The following KCTD16 variants were observed in gnomAD, a reference collection of about 807,000 sequenced individuals.
KCTD16 encodes the protein potassium channel tetramerization domain containing 16.
A neutral mutation model predicts 33.2 loss-of-function variants in KCTD16; 13 were observed. The observed-to-expected ratio is 0.39, with a 90% confidence interval of 0.25 to 0.62. The LOEUF (loss-of-function observed/expected upper bound fraction) is 0.62. Among genes scored for constraint, KCTD16 ranks in the 20% least tolerant of loss-of-function variants. The probability of loss-of-function intolerance (pLI) is 0.50; values close to 1 mark genes in which losing one functional copy is unlikely to be tolerated. For synonymous variants in KCTD16, 197 were observed against 195.3 expected (o/e 1.01, Z -0.07); for missense variants, 441 against 525.1 (o/e 0.84, Z 1.57).
chr5:144,298,403 C>T (rs900365647), intron 3 of KCTD16, among the ~76,000 whole-genome samples: 1 of 152,300 alleles, frequency 6.6e-6, no homozygotes, highest in East Asian at 1.9e-4. Flanking sequence ...GAGAATTGTT[C>T]ATAGCAGCTA....
At chr5:144,329,600 G>A (rs1230148906) in intron 3 of KCTD16, among the ~76,000 whole-genome samples, 1 of 152,032 alleles carries the variant, frequency 6.6e-6, no homozygotes, top group South Asian at 2.1e-4. Flanking sequence ...TACCAAAACA[G>A]CAACAGATTT....
chr5:144,342,139 G>C (rs200565088), intron 3 of KCTD16, among the ~76,000 whole-genome samples: 1 of 151,982 alleles, frequency 6.6e-6, no homozygotes, highest in Non-Finnish European at 1.5e-5. Flanking sequence ...GATGGGGATG[G>C]CATTGAATCT....
Position 144,482,079 on chromosome 5 carries a change from T to C in KCTD16, c.*7965T>C, listed in dbSNP as rs187947011. ...GAGCCAGATTTTCCTCTGAGTTTATTAGACTCTAAAGGCTGCTGGCTTAAC... is the reference window on the plus strand; with the variant it reads ...GAGCCAGATTTTCCTCTGAGTTTATCAGACTCTAAAGGCTGCTGGCTTAAC... On this transcript the variant is annotated 3_prime_UTR_variant, in exon 4 of 4. Coordinates refer to ENST00000512467, the MANE Select transcript of KCTD16 (RefSeq NM_020768.4). 6.3e-4 allele frequency: 96 copies of C among 152,070 alleles called. 1 individual carries two copies. Among genetic ancestry groups the C allele is most frequent in the African/African-American group, 2.3e-3 (94 of 41,538 alleles). The allele number at this position is 152,070 out of a possible 1,614,324, so 9.4% of individuals were successfully genotyped here. A position where few individuals can be genotyped will look rare whatever the true frequency, so the allele number is the denominator to read the frequency against.
intron 3 of KCTD16, among the ~76,000 whole-genome samples, chr5:144,465,779 C>CTTTTTTTTTT (rs780109122): frequency 1.5e-5 from 2 of 129,878 alleles, no homozygotes; most frequent in African/African-American, 2.9e-5. Flanking sequence ...CCAAATTTAA[C>CTTTTTTTTTT]TTTTTTGTTT....
intron 3 of KCTD16, among the ~76,000 whole-genome samples, chr5:144,249,052 G>A (rs1460370829): frequency 1.3e-5 from 2 of 152,050 alleles, no homozygotes; most frequent in African/African-American, 2.4e-5. Context: ...TCTTCATTTA[G>A]AATAAAATAC....
chr5:144,258,013 C>A (rs1230023938), intron 3 of KCTD16, among the ~76,000 whole-genome samples: 1 of 152,126 alleles, frequency 6.6e-6, no homozygotes, highest in African/African-American at 2.4e-5. Context: ...GAGCTATACC[C>A]CAGTCTTTCA....
At chr5:144,411,432 G>A (rs541351606) in intron 3 of KCTD16, among the ~76,000 whole-genome samples, 2 of 152,104 alleles carry the variant, frequency 1.3e-5, no homozygotes, top group Non-Finnish European at 2.9e-5. Context: ...ATATGATAGA[G>A]AAAAGACATT....
intron 3 of KCTD16, among the ~76,000 whole-genome samples, chr5:144,438,587 C>T (rs1412289829): frequency 6.6e-6 from 1 of 152,204 alleles, no homozygotes; most frequent in East Asian, 1.9e-4. Context: ...TGTTCTCATA[C>T]CTGCATCAAT....
chr5:144,366,340 G>A (rs531565363), intron 3 of KCTD16, among the ~76,000 whole-genome samples: 2 of 152,238 alleles, frequency 1.3e-5, no homozygotes, highest in East Asian at 1.9e-4. Context: ...GGGATGTAAG[G>A]ATATTAAATA....
chr5:144,382,649 C>A (rs1370192642), intron 3 of KCTD16, among the ~76,000 whole-genome samples: 1 of 152,154 alleles, frequency 6.6e-6, no homozygotes, highest in Non-Finnish European at 1.5e-5. Flanking sequence ...ACCTAGCCAC[C>A]AGCACCATGC....
intron 3 of KCTD16, among the ~76,000 whole-genome samples, chr5:144,354,260 A>G (rs1224100798): frequency 6.6e-6 from 1 of 152,146 alleles, no homozygotes; most frequent in Non-Finnish European, 1.5e-5. Context: ...AAGAACTACT[A>G]CTGATAAGTT....
chr5:144,422,843 T>C lies in KCTD16; in HGVS notation c.833-50817T>C, dbSNP rs1048349792. On this transcript the variant is annotated intron_variant, in intron 3 of 3. Coordinates refer to ENST00000512467, the MANE Select transcript of KCTD16 (RefSeq NM_020768.4). ...GAAAACAGTAGATCACAAAAATGAA[T>C]ATATACCCCATGTGGATGTTAGGAG... Among the ~76,000 whole-genome samples, 7 of 152,226 alleles carry C rather than the reference T, an allele frequency of 4.6e-5. No homozygotes were observed. The South Asian group carries it at 1.2e-3, about 27-fold the overall frequency.
chr5:144,185,397 A>C (rs1752705104), intron 2 of KCTD16, among the ~76,000 whole-genome samples: 1 of 152,224 alleles, frequency 6.6e-6, no homozygotes. Context: ...AGTCTAGGGT[A>C]CAGCTAGCTT....
chr5:144,221,371 T>A (rs894178394), intron 3 of KCTD16, among the ~76,000 whole-genome samples: 13 of 152,036 alleles, frequency 8.6e-5, no homozygotes, highest in African/African-American at 3.1e-4. Context: ...GCACCCATCA[T>A]CCCATCACCT....
chr5:144,210,215 T>G (rs1421092229), intron 3 of KCTD16, among the ~76,000 whole-genome samples: 1 of 152,104 alleles, frequency 6.6e-6, no homozygotes, highest in Non-Finnish European at 1.5e-5. Flanking sequence ...GACCTAGAGT[T>G]GATGGTCAAT....
At chr5:144,200,397 T>G (rs1203271838) in intron 2 of KCTD16, among the ~76,000 whole-genome samples, 2 of 152,216 alleles carry the variant, frequency 1.3e-5, no homozygotes, top group Admixed American at 1.3e-4. Context: ...CCGAAGGATC[T>G]CCACTCCCAA....
At chr5:144,414,138 A>T (rs1752994893) in intron 3 of KCTD16, among the ~76,000 whole-genome samples, 1 of 152,130 alleles carries the variant, frequency 6.6e-6, no homozygotes, top group Non-Finnish European at 1.5e-5. Context: ...TATTCAGAAA[A>T]ACTTAGTTCT....
At chr5:144,215,114 A>T (rs1270367140) in intron 3 of KCTD16, among the ~76,000 whole-genome samples, 1 of 152,138 alleles carries the variant, frequency 6.6e-6, no homozygotes, top group Non-Finnish European at 1.5e-5. Flanking sequence ...ACTGAGTGCT[A>T]AGCATTTTAC....
chr5:144,446,898 CAGGAA>C (rs1753831887), intron 3 of KCTD16, among the ~76,000 whole-genome samples: 1 of 152,050 alleles, frequency 6.6e-6, no homozygotes, highest in African/African-American at 2.4e-5. Context: ...ATTAAGAAGT[CAGGAA>C]ACAACAGATG....
Sources: allele counts gnomAD v4.1 joint callset (sites outside exome capture counted in the v4.1 genomes callset), GRCh38; gene constraint gnomAD v4.1.1; transcripts MANE v1.5; gene names NCBI Gene and HGNC (gene_info 2026-07-23, HGNC 2026-07-21).